MSH3: variants seen among roughly 807,000 people sequenced by gnomAD.
MSH3 encodes DNA mismatch repair protein Msh3.
MSH3 carries 106 observed loss-of-function variants against 123.3 expected under a neutral mutation model. The observed-to-expected ratio is 0.86, with a 90% CI of 0.73 to 1.01. The LOEUF (loss-of-function observed/expected upper bound fraction) is 1.01. MSH3 is among the 50% of genes least tolerant of loss of function. The pLI, the probability that MSH3 is intolerant of heterozygous loss-of-function variation, is 0.00. For missense variants in MSH3, 1,459 were observed against 1,347.6 expected (o/e 1.08, Z -1.29); for synonymous variants, 515 against 481.4 (o/e 1.07, Z -0.91).
chr5:80,808,641 C>G (rs1231660105), intron 19 of MSH3, among the ~76,000 whole-genome samples: 1 of 151,654 alleles, frequency 6.6e-6, no homozygotes, highest in Non-Finnish European at 1.5e-5. Flanking sequence ...TTTTGTATAT[C>G]AATTACCTCT....
At chr5:80,706,229 A>G (rs1750720553) in intron 8 of MSH3, among the ~76,000 whole-genome samples, 1 of 152,220 alleles carries the variant, frequency 6.6e-6, no homozygotes, top group Non-Finnish European at 1.5e-5. Flanking sequence ...GTTTAGAAAG[A>G]GTAGTTATTT....
At chr5:80,753,056 A>G (rs1192419423) in intron 12 of MSH3, among the ~76,000 whole-genome samples, 1 of 152,188 alleles carries the variant, frequency 6.6e-6, no homozygotes, top group Non-Finnish European at 1.5e-5. Context: ...TATTTGCAAT[A>G]TTTAATTTTT....
intron 19 of MSH3, among the ~76,000 whole-genome samples, chr5:80,794,378 G>A (rs1026371415): frequency 6.6e-6 from 1 of 152,022 alleles, no homozygotes; most frequent in African/African-American, 2.4e-5. Context: ...AAGTAGGGAG[G>A]GTGGACAAAA....
intron 20 of MSH3, among the ~76,000 whole-genome samples, chr5:80,816,972 CAGAG>C (rs1371313024): frequency 6.6e-6 from 1 of 152,130 alleles, no homozygotes; most frequent in African/African-American, 2.4e-5. Context: ...AGATTTCAGA[CAGAG>C]AGATCAAAGG....
At chr5:80,740,470 G>GC (rs1743591947) in intron 10 of MSH3, among the ~76,000 whole-genome samples, 1 of 151,134 alleles carries the variant, frequency 6.6e-6, no homozygotes, top group Non-Finnish European at 1.5e-5. Flanking sequence ...CGATTCTCCT[G>GC]CCTCAGCCTC....
At chr5:80,776,835 G>C (rs1054116830) in intron 16 of MSH3, among the ~76,000 whole-genome samples, 1 of 148,452 alleles carries the variant, frequency 6.7e-6, no homozygotes, top group Non-Finnish European at 1.5e-5. Flanking sequence ...GGGAAATTTT[G>C]ACATAATGTG....
chr5:80,669,554 C>G (rs1749654663), intron 3 of MSH3, among the ~76,000 whole-genome samples: 1 of 152,152 alleles, frequency 6.6e-6, no homozygotes, highest in Non-Finnish European at 1.5e-5. Flanking sequence ...TTTTTAACAG[C>G]TCTTTCTCAT....
chr5:80,836,486 A>G (rs1745511910), intron 20 of MSH3, among the ~76,000 whole-genome samples: 1 of 149,714 alleles, frequency 6.7e-6, no homozygotes, highest in Non-Finnish European at 1.5e-5. Context: ...GTATAATGGA[A>G]CCATGAGAAC....
chr5:80,857,593 T>G (rs1745940396), intron 21 of MSH3, among the ~76,000 whole-genome samples: 1 of 152,224 alleles, frequency 6.6e-6, no homozygotes, highest in Non-Finnish European at 1.5e-5. Context: ...TCTGTTTTTT[T>G]TCTTGTGTGA....
chr5:80,715,113 G>A (rs928356865), intron 8 of MSH3: 1 of 152,170 alleles, frequency 6.6e-6, no homozygotes, highest in Non-Finnish European at 1.5e-5. Flanking sequence ...TGTACTTAAT[G>A]TCTCAAGTTC....
intron 8 of MSH3, among the ~76,000 whole-genome samples, chr5:80,699,661 T>C (rs2112836985): frequency 6.6e-6 from 1 of 152,120 alleles, no homozygotes; most frequent in South Asian, 2.1e-4. Context: ...ATTTACATTA[T>C]ACAGATGTAG....
intron 17 of MSH3, among the ~76,000 whole-genome samples, chr5:80,787,166 G>A (rs1744524244): frequency 6.6e-6 from 1 of 152,148 alleles, no homozygotes; most frequent in African/African-American, 2.4e-5. Context: ...TGTTATTCCG[G>A]ATTTGGAGGA....
At chr5:80,818,153 A>G (rs1000791264) in intron 20 of MSH3, among the ~76,000 whole-genome samples, 5 of 152,254 alleles carry the variant, frequency 3.3e-5, no homozygotes, top group Admixed American at 6.5e-5. Context: ...GGGGAGGTGG[A>G]GGTTGTAGTG....
At chr5:80,837,626 G>T (rs1157312656) in intron 20 of MSH3, among the ~76,000 whole-genome samples, 1 of 152,072 alleles carries the variant, frequency 6.6e-6, no homozygotes, top group African/African-American at 2.4e-5. Context: ...TCTTAAAGGG[G>T]CAAGGAAAAT....
intron 12 of MSH3, among the ~76,000 whole-genome samples, chr5:80,748,157 A>C (rs997477010): frequency 6.6e-6 from 1 of 152,212 alleles, no homozygotes; most frequent in African/African-American, 2.4e-5. Flanking sequence ...AGGTTCTGCA[A>C]GATCCCATTG....
intron 10 of MSH3, among the ~76,000 whole-genome samples, chr5:80,732,952 A>G (rs970871037): frequency 2.6e-5 from 4 of 152,220 alleles, no homozygotes. Context: ...AGTATTGCTC[A>G]GATCAGTCTC....
intron 12 of MSH3, among the ~76,000 whole-genome samples, chr5:80,759,110 A>G (rs1352934466): frequency 6.6e-6 from 1 of 152,242 alleles, no homozygotes; most frequent in Non-Finnish European, 1.5e-5. Flanking sequence ...TCAGAATGAA[A>G]TTGAATCGAA....
chr5:80,664,718 G>T (rs931820921), intron 2 of MSH3, among the ~76,000 whole-genome samples: 1 of 152,054 alleles, frequency 6.6e-6, no homozygotes, highest in African/African-American at 2.4e-5. Context: ...TGAGCATTTT[G>T]TGTTGTAATT....
chr5:80,665,952 T>C (rs1749559201), intron 3 of MSH3, among the ~76,000 whole-genome samples: 1 of 152,224 alleles, frequency 6.6e-6, no homozygotes, highest in African/African-American at 2.4e-5. Flanking sequence ...TGGAATCACC[T>C]GGAGAACTTC....
Sources: allele counts gnomAD v4.1 joint callset (sites outside exome capture counted in the v4.1 genomes callset), GRCh38; gene constraint gnomAD v4.1.1; transcripts MANE v1.5; gene names NCBI Gene and HGNC (gene_info 2026-07-23, HGNC 2026-07-21).